POLR3E: variants seen among roughly 807,000 people sequenced by gnomAD.
POLR3E encodes DNA-directed RNA polymerase III subunit RPC5.
In POLR3E, 41 loss-of-function variants were observed where a neutral mutation model predicts 96.6. The ratio of observed to expected loss-of-function variants is 0.42; its 90% CI spans 0.33 to 0.55. POLR3E has a LOEUF of 0.55. POLR3E is among the 20% of genes least tolerant of loss of function. The pLI is 0.06. For synonymous variants in POLR3E, 396 were observed against 383.6 expected, an observed-to-expected ratio of 1.03 and a Z score of -0.38; for missense variants, 849 against 952.1, an observed-to-expected ratio of 0.89 and a Z score of 1.43.
rs575267322 is a variant in POLR3E at position 22,306,591 on chromosome 16, A to G, written c.87+1385A>G. On this transcript the variant is annotated intron_variant, in intron 3 of 20. Coordinates refer to ENST00000299853, the MANE Select transcript of POLR3E (RefSeq NM_018119.4). Reference sequence around the variant, plus strand: ...TTACTGATGAATAATGTTCCATTGTATGGGAGACCACAGTTTGTTTATCCA... The same window carrying G: ...TTACTGATGAATAATGTTCCATTGTGTGGGAGACCACAGTTTGTTTATCCA... Among the ~76,000 whole-genome samples the G allele has an allele frequency of 3.9e-5, 6 of 152,334 alleles. No individual in the cohort carries two copies. In the East Asian group the frequency reaches 7.7e-4, roughly 20 times the overall value.
intron 3 of POLR3E, 23 bp downstream of exon 3, chr16:22,305,229 AAG>A: frequency 6.4e-7 from 1 of 1,570,570 alleles, no homozygotes; most frequent in Non-Finnish European, 8.8e-7. Flanking sequence ...CTTGAAGGTA[AAG>A]AGGGGAGAAG....
chr16:22,308,948 C>T lies in POLR3E; in HGVS notation c.189C>T (p.Asp63=). 1 of 1,613,858 alleles carries T rather than the reference C, an allele frequency of 6.2e-7. No homozygotes were observed. Among genetic ancestry groups the T allele is most frequent in the Non-Finnish European group, 8.5e-7 (1 of 1,179,802 alleles). ...AGGTAGAGCTTGAGATGGCCATCGA[C>T]ACCCTGAACCCCAACTATTGCCGCA... ...QQKVELEMAI[D]TLNPNYCRSK... is the part of the protein sequence containing the mutation. Residue 63 remains aspartate, a synonymous_variant, in exon 5 of 21, where the codon GAC becomes GAT. Transcript: ENST00000299853.
chr16:22,312,347 AT>A (rs940688899), intron 6 of POLR3E, among the ~76,000 whole-genome samples: 1 of 152,042 alleles, frequency 6.6e-6, no homozygotes, highest in African/African-American at 2.4e-5. Context: ...AGTAGAAAAA[AT>A]TAGCCAGGCG....
At position 22,308,931 on chromosome 16, in the gene POLR3E, C is replaced by G; in HGVS notation, c.172C>G (p.Leu58Val). ...KIKPKQQKVE[L>V]EMAIDTLNPN... ...GGGTGCTTGGTGCCTCCAGGTAGAG[C>G]TTGAGATGGCCATCGACACCCTGAA... Residue 58 changes from leucine (L) to valine (V), a missense_variant, in exon 5 of 21, where the codon CTT becomes GTT. By Grantham distance (32) the Leu-to-Val change is conservative. Coordinates refer to ENST00000299853, the MANE Select transcript of POLR3E (RefSeq NM_018119.4). The G allele has an allele frequency of 1.2e-6, 2 of 1,612,152 alleles. No individual in the cohort carries two copies. The highest frequency in any genetic ancestry group is 1.7e-6 in the Non-Finnish European group (2 of 1,178,340).
At chr16:22,307,718 G>C (rs752614500) in intron 3 of POLR3E, among the ~76,000 whole-genome samples, 1 of 152,194 alleles carries the variant, frequency 6.6e-6, no homozygotes, top group Admixed American at 6.5e-5. Flanking sequence ...TGAGCAGCAC[G>C]TGCCGGTGTT....
intron 10 of POLR3E, 117 bp downstream of exon 10, chr16:22,316,803 T>C: frequency 2.0e-6 from 2 of 1,011,958 alleles, no homozygotes; most frequent in South Asian, 2.7e-5. Flanking sequence ...GTGGAGCCCA[T>C]TGTCCCCTGG....
chr16:22,324,272 C>T lies in POLR3E; in HGVS notation c.1069-82C>T. The T allele has an allele frequency of 9.6e-6, 11 of 1,146,202 alleles. No homozygotes were observed. The South Asian group carries it at 1.2e-4, about 13-fold the overall frequency. The allele number at this position is 1,146,202 out of a possible 1,614,324, so 71.0% of individuals were successfully genotyped here. ...TAGGACTGTCCCAGGCTCCAGCTCC[C>T]AGGCCTGCCAGGTGAGTTCCCGGGA... is the stretch of plus-strand genomic sequence containing the variant. On this transcript the variant is annotated intron_variant, in intron 14 of 20. Transcript: ENST00000299853.
chr16:22,307,525 A>G (rs1266245352), intron 3 of POLR3E, among the ~76,000 whole-genome samples: 1 of 152,150 alleles, frequency 6.6e-6, no homozygotes, highest in Non-Finnish European at 1.5e-5. Context: ...CTGTGAGGAC[A>G]GATGTGGACA....
intron 13 of POLR3E, among the ~76,000 whole-genome samples, chr16:22,319,225 G>A (rs921258720): frequency 1.3e-4 from 19 of 151,590 alleles, no homozygotes; most frequent in African/African-American, 2.4e-5. Context: ...CACCCACCTC[G>A]ACCTCCCAAT....
intron 5 of POLR3E, 125 bp from the exon 6 acceptor site, chr16:22,309,303 G>A: frequency 1.2e-6 from 1 of 808,092 alleles, no homozygotes. Flanking sequence ...CGCGTAGGCT[G>A]CCCTGCGGCC....
At chr16:22,327,683 C>G (rs1204648810) in intron 18 of POLR3E, 1 of 152,252 alleles carries the variant, frequency 6.6e-6, no homozygotes, top group Non-Finnish European at 1.5e-5. Flanking sequence ...CATGAGGGAG[C>G]TGAGGTCCAG....
intron 14 of POLR3E, among the ~76,000 whole-genome samples, chr16:22,323,518 A>G (rs1019453633): frequency 6.6e-6 from 1 of 152,030 alleles, no homozygotes; most frequent in African/African-American, 2.4e-5. Context: ...GCTGCCCAGG[A>G]GCTGTCCCAC....
At chr16:22,301,890 C>T (rs999592287) in intron 1 of POLR3E, among the ~76,000 whole-genome samples, 1 of 151,076 alleles carries the variant, frequency 6.6e-6, no homozygotes, top group Non-Finnish European at 1.5e-5. Flanking sequence ...CCACCGCACT[C>T]CAGCCTGGGT....
rs2048820744 is a variant in POLR3E at position 22,335,016 on chromosome 16, T to C, written c.*1316T>C. On this transcript the variant is annotated 3_prime_UTR_variant, in exon 21 of 21. Coordinates refer to ENST00000299853, the MANE Select transcript of POLR3E (RefSeq NM_018119.4). Reference sequence around the variant, plus strand: ...GGATGTACTTTGCCAAATAAGTATTTGGTAACATCACTTAACAAGTTGATC... The same window carrying C: ...GGATGTACTTTGCCAAATAAGTATTCGGTAACATCACTTAACAAGTTGATC... The C allele has an allele frequency of 6.6e-6, 1 of 152,256 alleles. No homozygotes were observed. Among genetic ancestry groups the C allele is most frequent in the South Asian group, 2.1e-4 (1 of 4,832 alleles). 9.4% of individuals were successfully genotyped at this position (152,256 alleles called of 1,614,324 possible). A position where few individuals can be genotyped will look rare whatever the true frequency, so the allele number is the denominator to read the frequency against.
intron 1 of POLR3E, among the ~76,000 whole-genome samples, chr16:22,298,518 A>T (rs1026849399): frequency 2.0e-5 from 3 of 152,204 alleles, no homozygotes; most frequent in Non-Finnish European, 4.4e-5. Flanking sequence ...TACCAAACCC[A>T]GACAACTCAG....
At chr16:22,314,478 A>G (rs779523304) in intron 8 of POLR3E, among the ~76,000 whole-genome samples, 1 of 152,210 alleles carries the variant, frequency 6.6e-6, no homozygotes, top group East Asian at 1.9e-4. Context: ...TGGGGCACGG[A>G]TGAATAGTTT....
chr16:22,306,474 C>T (rs1209224098), intron 3 of POLR3E, among the ~76,000 whole-genome samples: 2 of 152,110 alleles, frequency 1.3e-5, no homozygotes, highest in South Asian at 2.1e-4. Flanking sequence ...AGCCTGGTCT[C>T]GAACTCCTGA....
chr16:22,324,248 A>C (rs917245476), intron 14 of POLR3E, 106 bp from the exon 15 acceptor site: 3 of 851,446 alleles, frequency 3.5e-6, no homozygotes, highest in Non-Finnish European at 2.0e-6. Flanking sequence ...CCAGGAGCCT[A>C]GGACTGTCCC....
Position 22,325,931 on chromosome 16 carries a change from G to T in POLR3E, c.1519G>T (p.Glu507Ter). Residue 507 changes from glutamate (E) to a stop codon, truncating the protein, a stop_gained, in exon 18 of 21, where the codon GAG (glutamate) becomes TAG (stop). Transcript: ENST00000299853. LOFTEE classifies it high-confidence loss of function. Reference protein sequence around the residue: ...IKEEPVSEEGEEDEEQEAEEE... With the variant: ...IKEEPVSEEG ...GGAGGAGCCCGTGAGCGAGGAGGGCGAGGAGGACGAGGAGCAGGAGGCGGA... is the reference window on the plus strand; with the variant it reads ...GGAGGAGCCCGTGAGCGAGGAGGGCTAGGAGGACGAGGAGCAGGAGGCGGA... 6.3e-7 allele frequency: 1 copy of T among 1,594,296 alleles called. No individual in the cohort carries two copies. The highest frequency in any genetic ancestry group is 8.5e-7 in the Non-Finnish European group (1 of 1,170,186).
Sources: allele counts gnomAD v4.1 joint callset (sites outside exome capture counted in the v4.1 genomes callset), GRCh38; gene constraint gnomAD v4.1.1; transcripts MANE v1.5; gene names NCBI Gene and HGNC (gene_info 2026-07-23, HGNC 2026-07-21).